EGFL7: variants seen among roughly 807,000 people sequenced by gnomAD.
EGFL7 encodes epidermal growth factor-like protein 7.
EGFL7 carries 48 observed loss-of-function variants against 37.1 expected under a neutral mutation model. The observed-to-expected ratio is 1.29, with a 90% CI of 1.03 to 1.65. The LOEUF (loss-of-function observed/expected upper bound fraction) is 1.65, where lower values mean the gene tolerates loss of function less well. Among genes scored for constraint, EGFL7 ranks in the 40% most tolerant of loss-of-function variants. EGFL7 has a pLI of 0.00. For synonymous variants in EGFL7, 180 were observed against 156.8 expected (o/e 1.15, Z -1.10); for missense variants, 384 against 378.9 (o/e 1.01, Z -0.11).
At position 136,672,535 on chromosome 9, in the gene EGFL7, G is replaced by A. The variant is rs1845989389; in HGVS notation, c.*249G>A. ...CTGGCTACCCCAACGGCATCCCAAG[G>A]CCAGGTGGGCCCTCAGCTGAGGGAA... On this transcript the variant is annotated 3_prime_UTR_variant, in exon 11 of 11. Transcript: ENST00000308874. 5 of 597,162 alleles carry A rather than the reference G, an allele frequency of 8.4e-6. No homozygotes were observed. The highest frequency in any genetic ancestry group is 3.7e-5 in the African/African-American group (2 of 53,766). 37.0% of individuals were successfully genotyped at this position (597,162 alleles called of 1,614,324 possible).
chr9:136,671,117 G>A, intron 9 of EGFL7, 103 bp downstream of exon 9: 2 of 1,060,436 alleles, frequency 1.9e-6, no homozygotes, highest in South Asian at 1.4e-5. Context: ...ACCTGCTGGA[G>A]GAGGTGAGGC....
chr9:136,669,660 TC>T lies in EGFL7; in HGVS notation c.253del (p.Arg85AlafsTer112), dbSNP rs1403523113. On this transcript the variant is annotated frameshift_variant, in exon 6 of 11. Coordinates refer to ENST00000308874, the MANE Select transcript of EGFL7 (RefSeq NM_016215.5). LOFTEE classifies it high-confidence loss of function. ...RSPGLAPARP[R>X]YACCPGWKRT... is the part of the protein sequence containing the mutation. ...GCCCTGGGCTGGCCCCTGCCAGGCC[TC>T]GCTACGCGTGCTGCCCCGGCTGGAA... 3 of 1,610,486 alleles carry T rather than the reference TC, an allele frequency of 1.9e-6. No homozygotes were observed. The highest frequency in any genetic ancestry group is 2.5e-6 in the Non-Finnish European group (3 of 1,179,250).
At chr9:136,660,479 C>G (rs1442596119), upstream of EGFL7, 1 of 152,372 alleles carries the variant, frequency 6.6e-6, no homozygotes, top group Non-Finnish European at 1.5e-5. Flanking sequence ...GGGGGCAGGG[C>G]AGAGCTTATC....
chr9:136,671,797 C>A, intron 9 of EGFL7, 129 bp from the exon 10 acceptor site: 1 of 1,254,248 alleles, frequency 8.0e-7, no homozygotes, highest in Non-Finnish European at 1.1e-6. Context: ...CTCTAGTGGA[C>A]ACTTGGAGCC....
intron 9 of EGFL7, among the ~76,000 whole-genome samples, chr9:136,671,711 C>G (rs1168959276): frequency 1.3e-5 from 2 of 152,148 alleles, no homozygotes; most frequent in African/African-American, 2.4e-5. Flanking sequence ...CCAGGGACCC[C>G]AAGGCTGGGA....
chr9:136,668,584 C>A lies in EGFL7; in HGVS notation c.108C>A (p.His36Gln). ...GTAGGGTGTGTGCTGTCCGGGCTCA[C>A]GGGGACCCTGTCTCCGAGTCGTTCG... is the stretch of plus-strand genomic sequence containing the variant. ...PGRRVCAVRA[H>Q]GDPVSESFVQ... Residue 36 changes from histidine to glutamine, a missense_variant, in exon 5 of 11, where the codon CAC becomes CAA. Coordinates refer to ENST00000308874, the MANE Select transcript of EGFL7 (RefSeq NM_016215.5). The A allele has an allele frequency of 1.2e-6, 2 of 1,609,110 alleles. No individual in the cohort carries two copies. Among genetic ancestry groups the A allele is most frequent in the Non-Finnish European group, 1.7e-6 (2 of 1,179,760 alleles).
chr9:136,670,786 C>A (rs1281401580), intron 8 of EGFL7, 164 bp from the exon 9 acceptor site: 1 of 745,000 alleles, frequency 1.3e-6, no homozygotes, highest in Non-Finnish European at 2.4e-6. Context: ...CGTACTTAGG[C>A]GGCATAGCCC....
At chr9:136,667,278 C>G (rs921995998) in intron 3 of EGFL7, among the ~76,000 whole-genome samples, 1 of 152,210 alleles carries the variant, frequency 6.6e-6, no homozygotes, top group Non-Finnish European at 1.5e-5. Context: ...GAAGCCTGGC[C>G]TTTCCCTGCG....
Position 136,672,612 on chromosome 9 carries a change from C to T in EGFL7, c.*326C>T, listed in dbSNP as rs1192290056. ...GACCCATGGCACAGGCCAGGCAGCCCGGAGGCTGGGTGGGGCCTCAGTGGG... is the reference window on the plus strand; with the variant it reads ...GACCCATGGCACAGGCCAGGCAGCCTGGAGGCTGGGTGGGGCCTCAGTGGG... On this transcript the variant is annotated 3_prime_UTR_variant, in exon 11 of 11. Coordinates refer to ENST00000308874, the MANE Select transcript of EGFL7 (RefSeq NM_016215.5). The T allele has an allele frequency of 2.3e-5, 11 of 488,662 alleles. No homozygotes were observed. Among genetic ancestry groups the T allele is most frequent in the Middle Eastern group, 5.4e-4 (1 of 1,864 alleles). 30.3% of individuals were successfully genotyped at this position (488,662 alleles called of 1,614,324 possible).
rs112594985 is a variant in EGFL7 at position 136,671,821 on chromosome 9, G to A, written c.637-105G>A. ...ACACTTGGAGCCCTGCCGCGGAGGCGGGGGCTGGAGGCTTGTGGAGCCCTT... is the reference window on the plus strand; with the variant it reads ...ACACTTGGAGCCCTGCCGCGGAGGCAGGGGCTGGAGGCTTGTGGAGCCCTT... On this transcript the variant is annotated intron_variant, in intron 9 of 10. Coordinates refer to ENST00000308874, the MANE Select transcript of EGFL7 (RefSeq NM_016215.5). 74 of 1,368,100 alleles carry A rather than the reference G, an allele frequency of 5.4e-5. 1 individual carries two copies. The African/African-American group carries it at 6.3e-4, about 12-fold the overall frequency. The allele number at this position is 1,368,100 out of a possible 1,614,324, so 84.7% of individuals were successfully genotyped here.
chr9:136,665,916 C>G (rs1215304303), intron 3 of EGFL7: 1 of 145,966 alleles, frequency 6.9e-6, no homozygotes, highest in African/African-American at 2.5e-5. Context: ...GGCGGGGAAC[C>G]TGGCCGCGCG....
intron 8 of EGFL7, 23 bp downstream of exon 8, chr9:136,670,353 G>A (rs1845767048): frequency 9.2e-6 from 14 of 1,524,354 alleles, no homozygotes; most frequent in Non-Finnish European, 1.1e-5. Flanking sequence ...GGCTGTGCCT[G>A]GCCTGGGGAG....
intron 4 of EGFL7, 60 bp from the exon 5 acceptor site, chr9:136,668,497 C>A: frequency 6.4e-7 from 1 of 1,566,738 alleles, no homozygotes; most frequent in Non-Finnish European, 8.7e-7. Context: ...GCCACATGTT[C>A]CCATCATTCT....
upstream of EGFL7, among the ~76,000 whole-genome samples, chr9:136,660,721 C>A (rs117607236): frequency 6.6e-6 from 1 of 152,132 alleles, no homozygotes; most frequent in Non-Finnish European, 1.5e-5. Context: ...GTCCCCTGGC[C>A]GGATAGGTCT....
At chr9:136,667,082 G>A (rs1186809801) in intron 3 of EGFL7, among the ~76,000 whole-genome samples, 5 of 152,332 alleles carry the variant, frequency 3.3e-5, no homozygotes, top group South Asian at 2.1e-4. Context: ...GGCAGTGCCC[G>A]TGGGAAGCAG....
At chr9:136,661,544 C>T (rs1306830948), upstream of EGFL7, among the ~76,000 whole-genome samples, 1 of 152,198 alleles carries the variant, frequency 6.6e-6, no homozygotes, top group Non-Finnish European at 1.5e-5. Context: ...CAGGAGCGCC[C>T]CCTTAAACCA....
intron 3 of EGFL7, among the ~76,000 whole-genome samples, chr9:136,665,007 A>T (rs1329562877): frequency 6.6e-6 from 1 of 152,202 alleles, no homozygotes; most frequent in Admixed American, 6.5e-5. Flanking sequence ...CATCTTATAA[A>T]TTTGGAAATG....
In EGFL7 at chr9:136,672,071, A is replaced by AGG; in HGVS notation, c.783_784dup (p.Glu262GlyfsTer48). 6.5e-7 allele frequency: 1 copy of AGG among 1,546,528 alleles called. No homozygotes were observed. Among genetic ancestry groups the AGG allele is most frequent in the Non-Finnish European group, 8.7e-7 (1 of 1,146,760 alleles). On this transcript the variant is annotated frameshift_variant, in exon 10 of 11. Coordinates refer to ENST00000308874, the MANE Select transcript of EGFL7 (RefSeq NM_016215.5). LOFTEE classifies it high-confidence loss of function. ...CTGAGCGAGCAGATTTCCTTCCTGG[A>AGG]GGAGCAGCTGGGGTCCTGTGAGTGC...
chr9:136,672,140 C>T, intron 10 of EGFL7, 52 bp downstream of exon 10: 3 of 1,568,394 alleles, frequency 1.9e-6, no homozygotes, highest in South Asian at 1.2e-5. Flanking sequence ...GCCCAGTGGG[C>T]CTAGAGGGGC....
Sources: gnomAD v4.1 joint callset for allele counts (sites outside exome capture counted in the v4.1 genomes callset) on GRCh38, gnomAD v4.1.1 for gene constraint, MANE v1.5 for transcripts, NCBI Gene and HGNC (gene_info 2026-07-23, HGNC 2026-07-21) for gene names.